CSMD1: variants seen among roughly 807,000 people sequenced by gnomAD.
CSMD1 encodes the protein CUB and Sushi multiple domains 1, also known as CUB and sushi domain-containing protein 1.
In CSMD1, 213 loss-of-function variants were observed where a neutral mutation model predicts 417.5. The observed-to-expected ratio is 0.51, with a 90% CI of 0.46 to 0.57. CSMD1 has a LOEUF of 0.57. Among genes scored for constraint, CSMD1 ranks in the 20% least tolerant of loss-of-function variants. The pLI, the probability that CSMD1 is intolerant of heterozygous loss-of-function variation, is 0.00. For missense variants in CSMD1, 6,923 were observed against 4,529.7 expected, an observed-to-expected ratio of 1.53 and a Z score of -15.17; for synonymous variants, 2,862 against 1,736.8, an observed-to-expected ratio of 1.65 and a Z score of -16.11.
chr8:4,038,261 T>G (rs1226477749), intron 3 of CSMD1, among the ~76,000 whole-genome samples: 3 of 152,084 alleles, frequency 2.0e-5, no homozygotes, highest in African/African-American at 7.2e-5. Flanking sequence ...TAGAAATAAT[T>G]AAGAATAAAT....
intron 5 of CSMD1, among the ~76,000 whole-genome samples, chr8:3,944,325 T>C (rs1215775805): frequency 6.6e-6 from 1 of 152,134 alleles, no homozygotes; most frequent in African/African-American, 2.4e-5. Context: ...TTTTGCATAA[T>C]GCCTTATTTT....
At chr8:4,668,717 A>G (rs993061566) in intron 1 of CSMD1, among the ~76,000 whole-genome samples, 2 of 152,008 alleles carry the variant, frequency 1.3e-5, no homozygotes, top group African/African-American at 2.4e-5. Flanking sequence ...CCCAAAAATA[A>G]AACATTACCA....
At chr8:3,713,022 G>C (rs1310660063) in intron 6 of CSMD1, among the ~76,000 whole-genome samples, 5 of 151,990 alleles carry the variant, frequency 3.3e-5, no homozygotes, top group South Asian at 4.2e-4. Flanking sequence ...CAAGAAGTAT[G>C]TGAGGTTAAA....
chr8:3,581,856 G>A (rs537853408), intron 9 of CSMD1, among the ~76,000 whole-genome samples: 9 of 152,234 alleles, frequency 5.9e-5, no homozygotes, highest in Admixed American at 1.3e-4. Context: ...CCAGGCTGGA[G>A]TATAGTGGCA....
intron 11 of CSMD1, among the ~76,000 whole-genome samples, chr8:3,474,705 T>C (rs1327276644): frequency 6.6e-6 from 1 of 152,136 alleles, no homozygotes; most frequent in Non-Finnish European, 1.5e-5. Flanking sequence ...AGTCACAGTT[T>C]CCAAAGACCT....
At chr8:4,358,288 G>C (rs1319554309) in intron 3 of CSMD1, among the ~76,000 whole-genome samples, 1 of 152,238 alleles carries the variant, frequency 6.6e-6, no homozygotes, top group Non-Finnish European at 1.5e-5. Flanking sequence ...GCGCGGCCAT[G>C]GGCCAGATCC....
At chr8:3,502,192 G>A (rs985798196) in intron 10 of CSMD1, among the ~76,000 whole-genome samples, 3 of 151,644 alleles carry the variant, frequency 2.0e-5, no homozygotes, top group Non-Finnish European at 4.4e-5. Context: ...GTGAAACCCC[G>A]TCTCTACTAA....
chr8:4,951,258 G>A (rs1030308578), intron 1 of CSMD1, among the ~76,000 whole-genome samples: 6 of 152,108 alleles, frequency 3.9e-5, no homozygotes, highest in African/African-American at 1.2e-4. Context: ...TGTCATTGCT[G>A]ATAACGACTT....
chr8:4,550,776 A>C (rs1392236585), intron 2 of CSMD1, among the ~76,000 whole-genome samples: 1 of 152,192 alleles, frequency 6.6e-6, no homozygotes, highest in Non-Finnish European at 1.5e-5. Context: ...GAGGCAGTTT[A>C]ATCATCTTTA....
chr8:4,628,987 C>A (rs759768467), intron 2 of CSMD1, among the ~76,000 whole-genome samples: 1 of 152,076 alleles, frequency 6.6e-6, no homozygotes, highest in African/African-American at 2.4e-5. Flanking sequence ...CTTCTCAGAT[C>A]CGCAAATAAA....
At chr8:3,108,495 C>T (rs1816293225) in intron 44 of CSMD1, 108 bp downstream of exon 44, 1 of 1,167,104 alleles carries the variant, frequency 8.6e-7, no homozygotes, top group East Asian at 2.5e-5. Context: ...TCATACACGC[C>T]CTCGGCTGAA....
At chr8:4,128,988 G>C (rs4602907) in intron 3 of CSMD1, among the ~76,000 whole-genome samples, 4 of 149,106 alleles carry the variant, frequency 2.7e-5, no homozygotes, top group Non-Finnish European at 5.9e-5. Flanking sequence ...AGGCAGGAGA[G>C]TTGCTTGAAC....
intron 48 of CSMD1, among the ~76,000 whole-genome samples, chr8:3,088,609 T>G (rs1814706421): frequency 6.6e-6 from 1 of 152,048 alleles, no homozygotes; most frequent in Non-Finnish European, 1.5e-5. Context: ...CTCAGCTGGG[T>G]GAGCCTCTGA....
intron 10 of CSMD1, among the ~76,000 whole-genome samples, chr8:3,506,176 C>T (rs1217877611): frequency 6.6e-6 from 1 of 152,102 alleles, no homozygotes; most frequent in Admixed American, 6.6e-5. Flanking sequence ...AACTCAAGGA[C>T]TCTGAACACC....
chr8:4,151,185 C>G (rs1034639245), intron 3 of CSMD1, among the ~76,000 whole-genome samples: 2 of 152,154 alleles, frequency 1.3e-5, no homozygotes, highest in Admixed American at 6.5e-5. Flanking sequence ...CAGGCAAAAT[C>G]CTTTCTGTTA....
At chr8:3,674,576 G>C (rs1280578656) in intron 7 of CSMD1, among the ~76,000 whole-genome samples, 1 of 148,752 alleles carries the variant, frequency 6.7e-6, no homozygotes, top group Non-Finnish European at 1.5e-5. Context: ...ACTACATTAA[G>C]CTACTGCAAA....
At chr8:4,444,712 G>C (rs374882669) in intron 2 of CSMD1, among the ~76,000 whole-genome samples, 1 of 152,142 alleles carries the variant, frequency 6.6e-6, no homozygotes, top group Non-Finnish European at 1.5e-5. Flanking sequence ...CTAAGCACAG[G>C]TGCATGAAGG....
intron 9 of CSMD1, among the ~76,000 whole-genome samples, chr8:3,580,037 G>A (rs1173402246): frequency 6.6e-6 from 1 of 152,086 alleles, no homozygotes; most frequent in Non-Finnish European, 1.5e-5. Flanking sequence ...TAGGGAGGTG[G>A]AAGTTGCAGC....
intron 46 of CSMD1, among the ~76,000 whole-genome samples, chr8:3,104,995 C>T (rs573629795): frequency 4.6e-5 from 7 of 152,200 alleles, no homozygotes; most frequent in African/African-American, 1.4e-4. Context: ...CGTGCGCCAC[C>T]GCGCCCGGCC....
Sources: allele counts gnomAD v4.1 joint callset (sites outside exome capture counted in the v4.1 genomes callset), GRCh38; gene constraint gnomAD v4.1.1; transcripts MANE v1.5; gene names NCBI Gene and HGNC (gene_info 2026-07-23, HGNC 2026-07-21).